ZNF385C: variants seen among roughly 807,000 people sequenced by gnomAD.
ZNF385C encodes the protein CTD-2132N18.2.
In ZNF385C, 28 loss-of-function variants were observed where a neutral mutation model predicts 35.4. That is an observed-to-expected ratio of 0.79 (90% CI 0.59 to 1.08). The LOEUF is 1.08. Among genes scored for constraint, ZNF385C ranks in the 50% least tolerant of loss-of-function variants. ZNF385C has a pLI of 0.00. For synonymous variants in ZNF385C, 248 were observed against 248.2 expected, an observed-to-expected ratio of 1.00 and a Z score of 0.01; for missense variants, 605 against 595.6, an observed-to-expected ratio of 1.02 and a Z score of -0.16.
At chr17:42,080,807 C>G (rs1555659669) in intron 1 of ZNF385C, among the ~76,000 whole-genome samples, 2 of 152,230 alleles carry the variant, frequency 1.3e-5, no homozygotes, top group Non-Finnish European at 2.9e-5. Flanking sequence ...CCCAGGCCCA[C>G]TGGTGCAGCT....
intron 1 of ZNF385C, among the ~76,000 whole-genome samples, chr17:42,089,880 T>A (rs1490305714): frequency 2.0e-5 from 3 of 152,218 alleles, no homozygotes; most frequent in Non-Finnish European, 4.4e-5. Flanking sequence ...AAAAATCTGA[T>A]CAAAGAATTA....
intron 8 of ZNF385C, 76 bp from the exon 9 acceptor site, chr17:42,027,209 G>T: frequency 7.6e-7 from 1 of 1,312,864 alleles, no homozygotes; most frequent in Non-Finnish European, 1.1e-6. Flanking sequence ...CCATCCTCAA[G>T]CTTTTTGCTG....
chr17:42,043,524 C>G, intron 2 of ZNF385C: 4 of 559,004 alleles, frequency 7.2e-6, no homozygotes, highest in Non-Finnish European at 1.1e-5. Context: ...GCCCATCCAT[C>G]TAAGCCTGGA....
At position 42,043,305 on chromosome 17, in the gene ZNF385C, G is replaced by A. The variant is rs138910547; in HGVS notation, c.251-5420C>T. On this transcript the variant is annotated intron_variant, in intron 2 of 8. Coordinates refer to ENST00000692273, the MANE Select transcript of ZNF385C (RefSeq NM_001392013.1). ...AGGTAAACTCCTCTTTCCAGTGCTC[G>A]TTGAAGTAACGCTTACACTTCTTGT... 6.1e-5 allele frequency: 75 copies of A among 1,232,258 alleles called. 1 individual carries two copies. The African/African-American group carries it at 7.0e-4, about 11-fold the overall frequency. The allele number at this position is 1,232,258 out of a possible 1,614,324, so 76.3% of individuals were successfully genotyped here.
rs55771386 is a variant in ZNF385C at position 42,064,073 on chromosome 17, T to TACACACACACACACACAC, written c.-2-1033_-2-1016dup. 9.0e-4 allele frequency among the ~76,000 whole-genome samples: 117 copies of TACACACACACACACACAC among 129,826 alleles called. 2 individuals are homozygous for TACACACACACACACACAC. Among genetic ancestry groups the TACACACACACACACACAC allele is most frequent in the Non-Finnish European group, 1.4e-3 (84 of 60,924 alleles). 85.2% of individuals were successfully genotyped at this position (129,826 alleles called of 152,430 possible). A position where few individuals can be genotyped will look rare whatever the true frequency, so the allele number is the denominator to read the frequency against. ...GTCCCCCAACGCGCGCACACGCACA[T>TACACACACACACACACAC]ACACACACACACACACACACACACA... On this transcript the variant is annotated intron_variant, in intron 1 of 8. Coordinates refer to ENST00000692273, the MANE Select transcript of ZNF385C (RefSeq NM_001392013.1).
intron 1 of ZNF385C, among the ~76,000 whole-genome samples, chr17:42,092,197 C>G (rs553437508): frequency 3.9e-5 from 6 of 152,032 alleles, no homozygotes; most frequent in African/African-American, 1.5e-4. Flanking sequence ...CTCAGGAGTT[C>G]GAGACCAGCC....
chr17:42,068,945 G>A (rs1395437455), intron 1 of ZNF385C, among the ~76,000 whole-genome samples: 4 of 152,116 alleles, frequency 2.6e-5, no homozygotes, highest in African/African-American at 9.7e-5. Context: ...TCGCAGAGAC[G>A]GGCTACACCC....
intron 3 of ZNF385C, 40 bp downstream of exon 3, chr17:42,037,697 A>C: frequency 3.4e-6 from 5 of 1,472,648 alleles, no homozygotes; most frequent in Non-Finnish European, 4.5e-6. Context: ...CCCACCCACA[A>C]GCTTGTGTGC....
chr17:42,040,335 G>A (rs1397352358), intron 2 of ZNF385C: 2 of 1,231,876 alleles, frequency 1.6e-6, no homozygotes, highest in Non-Finnish European at 2.0e-6. Context: ...TGCAGCGTCC[G>A]CTGCTGGCGT....
intron 2 of ZNF385C, chr17:42,040,542 G>A (rs1304229336): frequency 7.3e-6 from 9 of 1,232,996 alleles, no homozygotes; most frequent in Admixed American, 8.4e-5. Context: ...TGAAGGCCAC[G>A]AAGGTGAACT....
At chr17:42,072,586 G>A (rs558093512) in intron 1 of ZNF385C, among the ~76,000 whole-genome samples, 5 of 152,084 alleles carry the variant, frequency 3.3e-5, no homozygotes, top group East Asian at 1.9e-4. Context: ...GGACAAACCC[G>A]GCTGCGTCCA....
At position 42,051,314 on chromosome 17, in the gene ZNF385C, G is replaced by T. The variant is rs562284630; in HGVS notation, c.250+11493C>A. Among the ~76,000 whole-genome samples the T allele has an allele frequency of 7.2e-5, 11 of 152,058 alleles. No homozygotes were observed. The South Asian group carries it at 2.3e-3, about 32-fold the overall frequency. ...GACAGAGTGGGGAAGAGGGAGGGAG[G>T]TTGGCGTGACCTTTTTCTAAAACTC... is the stretch of plus-strand genomic sequence containing the variant. On this transcript the variant is annotated intron_variant, in intron 2 of 8. Coordinates refer to ENST00000692273, the MANE Select transcript of ZNF385C (RefSeq NM_001392013.1).
At chr17:42,055,151 T>C (rs2143795842) in intron 2 of ZNF385C, among the ~76,000 whole-genome samples, 1 of 152,172 alleles carries the variant, frequency 6.6e-6, no homozygotes, top group East Asian at 1.9e-4. Context: ...ACCTGTAATC[T>C]CTGGAGCAGC....
chr17:42,092,514 C>T (rs901327248), intron 1 of ZNF385C, among the ~76,000 whole-genome samples: 1 of 152,142 alleles, frequency 6.6e-6, no homozygotes, highest in Admixed American at 6.5e-5. Flanking sequence ...CCTTTGGGGT[C>T]CTAGGGAGAT....
chr17:42,028,637 A>G, intron 6 of ZNF385C, 146 bp downstream of exon 6: 1 of 1,039,952 alleles, frequency 9.6e-7, no homozygotes. Flanking sequence ...AGGACCCAGA[A>G]ACGTCCGTTC....
intron 2 of ZNF385C, among the ~76,000 whole-genome samples, chr17:42,053,590 G>A (rs1014348636): frequency 5.3e-5 from 8 of 152,150 alleles, no homozygotes; most frequent in Non-Finnish European, 7.4e-5. Context: ...CCTGTTTCCC[G>A]CAGGGTGGAC....
At chr17:42,083,138 C>T (rs2053766506) in intron 1 of ZNF385C, among the ~76,000 whole-genome samples, 1 of 152,082 alleles carries the variant, frequency 6.6e-6, no homozygotes, top group South Asian at 2.1e-4. Context: ...ATGTAAGAAA[C>T]CATGTCTGTT....
intron 7 of ZNF385C, 133 bp downstream of exon 7, chr17:42,027,917 G>A (rs2052630638): frequency 7.8e-7 from 1 of 1,288,492 alleles, no homozygotes; most frequent in Non-Finnish European, 1.1e-6. Flanking sequence ...TTGGCCCACT[G>A]GCCTGCTGGC....
chr17:42,026,014 A>G lies in ZNF385C; in HGVS notation c.*883T>C, dbSNP rs1449552592. On this transcript the variant is annotated 3_prime_UTR_variant, in exon 9 of 9. Transcript: ENST00000692273. ...GGGAGACCCACACCCGCCCTCCAAG[A>G]GTTGGGGTTCAGGAAGTCAGAGAAA... 2 of 152,096 alleles carry G rather than the reference A, an allele frequency of 1.3e-5. No homozygotes were observed. Among genetic ancestry groups the G allele is most frequent in the Non-Finnish European group, 2.9e-5 (2 of 68,080 alleles). 9.4% of individuals were successfully genotyped at this position (152,096 alleles called of 1,614,324 possible).
Sources: allele counts gnomAD v4.1 joint callset (sites outside exome capture counted in the v4.1 genomes callset), GRCh38; gene constraint gnomAD v4.1.1; transcripts MANE v1.5; gene names NCBI Gene and HGNC (gene_info 2026-07-23, HGNC 2026-07-21).